The following GPM6A variants were observed in gnomAD, a reference collection of about 807,000 sequenced individuals.
GPM6A encodes the protein glycoprotein M6A.
In GPM6A, 7 loss-of-function variants were observed where a neutral mutation model predicts 32.1. That is an observed-to-expected ratio of 0.22 (90% CI 0.12 to 0.41). GPM6A has a LOEUF of 0.41. Ranked by LOEUF, GPM6A falls within the 10% of genes least tolerant of loss-of-function variation. The pLI is 1.00. For synonymous variants in GPM6A, 130 were observed against 123.4 expected, an observed-to-expected ratio of 1.05 and a Z score of -0.35; for missense variants, 235 against 347.2, an observed-to-expected ratio of 0.68 and a Z score of 2.57.
intron 1 of GPM6A, among the ~76,000 whole-genome samples, chr4:175,872,137 A>T (rs2111440334): frequency 6.6e-6 from 1 of 152,318 alleles, no homozygotes; most frequent in East Asian, 1.9e-4. Flanking sequence ...TGAAATCAAT[A>T]CTAGAAGTAA....
At chr4:175,855,762 G>T (rs1291426671) in intron 1 of GPM6A, among the ~76,000 whole-genome samples, 1 of 152,138 alleles carries the variant, frequency 6.6e-6, no homozygotes, top group Non-Finnish European at 1.5e-5. Context: ...TAGAGTTGAA[G>T]ATTTAAGAAC....
chr4:175,958,887 G>A lies in GPM6A; in HGVS notation c.-23+43422C>T, dbSNP rs116629059. Among the ~76,000 whole-genome samples the A allele has an allele frequency of 6.7e-3, 1,020 of 152,182 alleles. 8 individuals carry two copies. Among genetic ancestry groups the A allele is most frequent in the African/African-American group, 0.023 (965 of 41,516 alleles). ...ATTTCCATTCCCACCAAACATAACCGGAATTTGTTGTCTTCAAATGAAGGC... is the reference window on the plus strand; with the variant it reads ...ATTTCCATTCCCACCAAACATAACCAGAATTTGTTGTCTTCAAATGAAGGC... On this transcript the variant is annotated intron_variant, in intron 1 of 7. Transcript: ENST00000280187.
intron 1 of GPM6A, among the ~76,000 whole-genome samples, chr4:175,722,569 A>T (rs910124952): frequency 1.3e-5 from 2 of 152,026 alleles, no homozygotes; most frequent in African/African-American, 2.4e-5. Flanking sequence ...TTTCACACCT[A>T]TACTGGTGTC....
At chr4:175,928,559 A>G (rs1738922909) in intron 1 of GPM6A, among the ~76,000 whole-genome samples, 1 of 152,214 alleles carries the variant, frequency 6.6e-6, no homozygotes, top group Non-Finnish European at 1.5e-5. Flanking sequence ...AGGGCTTGGC[A>G]CAAAAGAGGA....
chr4:175,914,798 A>C (rs1220349214), intron 1 of GPM6A, among the ~76,000 whole-genome samples: 1 of 152,166 alleles, frequency 6.6e-6, no homozygotes. Flanking sequence ...GTTTAAGAAC[A>C]AAAGGAAAGG....
chr4:175,721,033 ATATATAT>A (rs1210134845), intron 1 of GPM6A, among the ~76,000 whole-genome samples: 1 of 116,556 alleles, frequency 8.6e-6, no homozygotes, highest in Non-Finnish European at 1.8e-5. Flanking sequence ...ATACTAGTAC[ATATATAT>A]TATATATATA....
intron 1 of GPM6A, among the ~76,000 whole-genome samples, chr4:175,979,801 A>G (rs1394947710): frequency 6.6e-6 from 1 of 152,166 alleles, no homozygotes. Context: ...TATTCTATTT[A>G]CCACTAAGTT....
At chr4:175,712,712 T>G (rs1745621778) in intron 1 of GPM6A, among the ~76,000 whole-genome samples, 1 of 152,206 alleles carries the variant, frequency 6.6e-6, no homozygotes, top group Admixed American at 6.5e-5. Flanking sequence ...CACTCCTTTT[T>G]TCTATGCCTA....
chr4:175,649,610 C>G (rs771099038), intron 4 of GPM6A, among the ~76,000 whole-genome samples: 1 of 152,128 alleles, frequency 6.6e-6, no homozygotes, highest in Non-Finnish European at 1.5e-5. Context: ...GCTAATCTCT[C>G]GTGTATTTCT....
intron 1 of GPM6A, among the ~76,000 whole-genome samples, chr4:175,747,229 C>T (rs1732142354): frequency 7.2e-6 from 1 of 138,074 alleles, no homozygotes; most frequent in Non-Finnish European, 1.5e-5. Flanking sequence ...GAGATTGTGT[C>T]ACTACACTCC....
intron 1 of GPM6A, among the ~76,000 whole-genome samples, chr4:175,755,770 A>G (rs1732500802): frequency 6.6e-6 from 1 of 152,170 alleles, no homozygotes; most frequent in South Asian, 2.1e-4. Context: ...TGAGTCAAAT[A>G]TTCATGTAAT....
rs1158582848 is a variant in GPM6A, at chr4:175,665,068, C to A, written c.387+8612G>T. On this transcript the variant is annotated intron_variant, in intron 3 of 6. Coordinates refer to ENST00000393658, the MANE Select transcript of GPM6A (RefSeq NM_201591.3). ...GTAAAAATATGGTATTGAAAGCCTA[C>A]AGGACCACCCTCTGACACGTGGTTC... 2.0e-5 allele frequency among the ~76,000 whole-genome samples: 3 copies of A among 152,278 alleles called. No individual in the cohort carries two copies. In the South Asian group the frequency reaches 6.2e-4, roughly 32 times the overall value.
chr4:175,671,541 AG>A (rs1242867828), intron 3 of GPM6A, among the ~76,000 whole-genome samples: 1 of 131,802 alleles, frequency 7.6e-6, no homozygotes, highest in Non-Finnish European at 1.6e-5. Context: ...GTAGCAGGAG[AG>A]GGTGGACGAT....
At chr4:175,750,313 C>T (rs1732280050) in intron 1 of GPM6A, among the ~76,000 whole-genome samples, 1 of 152,082 alleles carries the variant, frequency 6.6e-6, no homozygotes, top group African/African-American at 2.4e-5. Context: ...CCGCCTTGGC[C>T]TCTTAAAGAG....
chr4:176,000,882 T>C (rs1741454682), intron 1 of GPM6A, among the ~76,000 whole-genome samples: 1 of 152,216 alleles, frequency 6.6e-6, no homozygotes, highest in South Asian at 2.1e-4. Flanking sequence ...ATGTTTTATC[T>C]TTCTTTTTTA....
chr4:175,927,750 C>T (rs571835530), intron 1 of GPM6A, among the ~76,000 whole-genome samples: 18 of 152,146 alleles, frequency 1.2e-4, no homozygotes, highest in African/African-American at 3.6e-4. Flanking sequence ...CAGAGCGTGG[C>T]GGTGCACGCC....
chr4:175,719,179 A>T (rs1171685300), intron 1 of GPM6A, among the ~76,000 whole-genome samples: 1 of 150,764 alleles, frequency 6.6e-6, no homozygotes, highest in Admixed American at 6.7e-5. Flanking sequence ...TTACTACAAC[A>T]TACCGAAATT....
At chr4:175,882,869 C>G (rs1560978345) in intron 1 of GPM6A, among the ~76,000 whole-genome samples, 3 of 151,864 alleles carry the variant, frequency 2.0e-5, no homozygotes, top group African/African-American at 7.3e-5. Flanking sequence ...AATTATTGAA[C>G]AGGAACAAAT....
intron 1 of GPM6A, among the ~76,000 whole-genome samples, chr4:175,827,488 T>C (rs1305530429): frequency 1.3e-5 from 2 of 152,212 alleles, no homozygotes; most frequent in African/African-American, 4.8e-5. Flanking sequence ...ACGGCAGAGC[T>C]GGGACTAGAA....
Sources: allele counts gnomAD v4.1 joint callset (sites outside exome capture counted in the v4.1 genomes callset), GRCh38; gene constraint gnomAD v4.1.1; transcripts MANE v1.5; gene names NCBI Gene and HGNC (gene_info 2026-07-23, HGNC 2026-07-21).